TMSB15A: variants seen among roughly 807,000 people sequenced by gnomAD.
TMSB15A encodes thymosin beta-15A.
In TMSB15A, 1 loss-of-function variant was observed where a neutral mutation model predicts 3.2. That is an observed-to-expected ratio of 0.32 (90% CI 0.11 to 1.50). The LOEUF (loss-of-function observed/expected upper bound fraction) is 1.50. TMSB15A is among the 40% of genes most tolerant of loss of function. TMSB15A has a pLI of 0.39. For synonymous variants in TMSB15A, 10 were observed against 11.2 expected, an observed-to-expected ratio of 0.90 and a Z score of 0.21; for missense variants, 22 against 27.8, an observed-to-expected ratio of 0.79 and a Z score of 0.47.
At chrX:102,516,305 G>A (rs1158456594) in intron 1 of TMSB15A, among the ~76,000 whole-genome samples, 6 of 113,101 alleles carry the variant, frequency 5.3e-5, no homozygotes, top group Admixed American at 1.8e-4. Flanking sequence ...GGGAGGAGAA[G>A]GAATGAGGAC....
At chrX:102,514,990 A>G (rs1934878154) in intron 2 of TMSB15A, 74 bp downstream of exon 2, 1 of 1,103,288 alleles carries the variant, frequency 9.1e-7, no homozygotes, top group South Asian at 2.1e-5. Flanking sequence ...AAAATTTACT[A>G]GAAGATAGGT....
intron 1 of TMSB15A, 87 bp from the exon 2 acceptor site, chrX:102,515,267 A>G (rs1934882030): frequency 1.2e-5 from 9 of 736,225 alleles, no homozygotes; most frequent in African/African-American, 8.6e-5. Context: ...TTCATATTTC[A>G]TATCAATGTA....
intron 2 of TMSB15A, 46 bp from the exon 3 acceptor site, chrX:102,514,170 T>G (rs782811990): frequency 1.4e-5 from 17 of 1,190,373 alleles, no homozygotes; most frequent in Non-Finnish European, 1.9e-5. Flanking sequence ...TACCTAAGAT[T>G]AAGTTCAGTT....
At chrX:102,515,616 G>A (rs1407258675) in intron 1 of TMSB15A, among the ~76,000 whole-genome samples, 2 of 110,132 alleles carry the variant, frequency 1.8e-5, no homozygotes, top group Non-Finnish European at 3.8e-5. Context: ...TTTGTTTTTT[G>A]GCATTTTTTT....
At position 102,513,843 on chromosome X, in the gene TMSB15A, CAA is replaced by C; in HGVS notation, c.*242_*243del. The C allele has an allele frequency of 9.8e-6, 4 of 408,619 alleles. No individual in the cohort carries two copies. In the East Asian group the frequency reaches 1.6e-4, roughly 16 times the overall value. The allele number at this position is 408,619 out of a possible 1,213,427, so 33.7% of individuals were successfully genotyped here. On this transcript the variant is annotated 3_prime_UTR_variant, in exon 3 of 3. Transcript: ENST00000289373. ...GTATAGGATGCAAGAACTACATACA[CAA>C]AGGTCATCAATGGTGAGATTATTGA...
At chrX:102,515,663 G>A (rs1556403595) in intron 1 of TMSB15A, among the ~76,000 whole-genome samples, 1 of 109,839 alleles carries the variant, frequency 9.1e-6, no homozygotes, top group African/African-American at 3.3e-5. Context: ...AAAAAAGAGT[G>A]GCATAAGTTG....
Position 102,514,018 on chromosome X carries a change from CA to C in TMSB15A, c.*68del. ...AAATCTCTACAAACACATGGGTTTACAAAAAACAAGCCTAAAATCAAGACTC... is the reference window on the plus strand; with the variant it reads ...AAATCTCTACAAACACATGGGTTTACAAAAACAAGCCTAAAATCAAGACTC... On this transcript the variant is annotated 3_prime_UTR_variant, in exon 3 of 3. Coordinates refer to ENST00000289373, the MANE Select transcript of TMSB15A (RefSeq NM_021992.3). 8.6e-7 allele frequency: 1 copy of C among 1,164,163 alleles called. No homozygotes were observed. Among genetic ancestry groups the C allele is most frequent in the Non-Finnish European group, 1.2e-6 (1 of 853,132 alleles).
intron 1 of TMSB15A, among the ~76,000 whole-genome samples, chrX:102,516,437 C>A (rs1174533538): frequency 8.9e-6 from 1 of 112,629 alleles, no homozygotes. Flanking sequence ...AACCCCGGGG[C>A]CTTGTTTCCA....
chrX:102,516,398 C>T (rs1556403738), intron 1 of TMSB15A, among the ~76,000 whole-genome samples: 2 of 113,002 alleles, frequency 1.8e-5, no homozygotes, highest in Non-Finnish European at 1.9e-5. Flanking sequence ...CGGACAGGTC[C>T]CTTTAAGGGT....
rs1370069225 is a variant in TMSB15A at position 102,513,992 on chromosome X, A to G, written c.*95T>C. The G allele has an allele frequency of 1.9e-6, 2 of 1,046,194 alleles. No homozygotes were observed. The highest frequency in any genetic ancestry group is 2.7e-6 in the Non-Finnish European group (2 of 749,150). The allele number at this position is 1,046,194 out of a possible 1,213,427, so 86.2% of individuals were successfully genotyped here. A position where few individuals can be genotyped will look rare whatever the true frequency, so the allele number is the denominator to read the frequency against. ...GGTGAGAAGATATCCGAAGACGCCT[A>G]AAATCTCTACAAACACATGGGTTTA... On this transcript the variant is annotated 3_prime_UTR_variant, in exon 3 of 3. Transcript: ENST00000289373.
At chrX:102,514,273 G>C (rs782479153) in intron 2 of TMSB15A, 149 bp from the exon 3 acceptor site, 3 of 590,301 alleles carry the variant, frequency 5.1e-6, no homozygotes, top group Admixed American at 2.5e-5. Context: ...CCTCACATTA[G>C]GGTGTGTGCA....
intron 1 of TMSB15A, 47 bp from the exon 2 acceptor site, chrX:102,515,227 C>G: frequency 2.6e-6 from 3 of 1,145,257 alleles, no homozygotes; most frequent in Non-Finnish European, 3.5e-6. Flanking sequence ...GCAGAACTGT[C>G]TTCGGACTAA....
At chrX:102,514,972 T>A in intron 2 of TMSB15A, 92 bp downstream of exon 2, 1 of 1,006,304 alleles carries the variant, frequency 9.9e-7, no homozygotes, top group Non-Finnish European at 1.4e-6. Flanking sequence ...ATTGCTTACT[T>A]TGTGGCAAAA....
intron 2 of TMSB15A, 101 bp from the exon 3 acceptor site, chrX:102,514,225 T>C: frequency 1.0e-6 from 1 of 974,275 alleles, no homozygotes; most frequent in South Asian, 2.0e-5. Flanking sequence ...TCTGCATACA[T>C]GCCTTAAATT....
At chrX:102,514,236 T>C (rs1934870649) in intron 2 of TMSB15A, 112 bp from the exon 3 acceptor site, 1 of 896,287 alleles carries the variant, frequency 1.1e-6, no homozygotes, top group Admixed American at 2.3e-5. Context: ...GCCTTAAATT[T>C]AGAATGCCAA....
At chrX:102,514,995 A>G in intron 2 of TMSB15A, 69 bp downstream of exon 2, 1 of 1,120,925 alleles carries the variant, frequency 8.9e-7, no homozygotes, top group South Asian at 2.0e-5. Flanking sequence ...TTACTAGAAG[A>G]TAGGTTTATT....
At chrX:102,515,775 TG>T (rs1367833735) in intron 1 of TMSB15A, among the ~76,000 whole-genome samples, 1 of 111,287 alleles carries the variant, frequency 9.0e-6, no homozygotes, top group Non-Finnish European at 1.9e-5. Context: ...GTATAAACGT[TG>T]TAAGAAGGGA....
At chrX:102,514,853 C>T (rs1023546101) in intron 2 of TMSB15A, among the ~76,000 whole-genome samples, 6 of 111,436 alleles carry the variant, frequency 5.4e-5, no homozygotes, top group South Asian at 3.8e-4. Flanking sequence ...AACTAGTTTT[C>T]CCCCCCATTC....
At chrX:102,516,312 G>A (rs1934894299) in intron 1 of TMSB15A, among the ~76,000 whole-genome samples, 1 of 113,116 alleles carries the variant, frequency 8.8e-6, no homozygotes, top group African/African-American at 3.2e-5. Flanking sequence ...GAAGGAATGA[G>A]GACCAAGCCC....
Sources: allele counts gnomAD v4.1 joint callset (sites outside exome capture counted in the v4.1 genomes callset), GRCh38; gene constraint gnomAD v4.1.1; transcripts MANE v1.5; gene names NCBI Gene and HGNC (gene_info 2026-07-23, HGNC 2026-07-21).